Variants in C7orf78 observed in about 807,000 individuals in gnomAD.
The protein encoded by C7orf78 is chromosome 7 open reading frame 78.
chr7:12,484,739 G>A, the C7orf78 span, among the ~76,000 whole-genome samples: 28 of 152,110 alleles, frequency 1.8e-4, no homozygotes, highest in African/African-American at 6.3e-4. Flanking sequence ...TAGAAAGCAC[G>A]TTGTACTTTT....
the C7orf78 span, among the ~76,000 whole-genome samples, chr7:12,501,565 C>T: frequency 2.9e-5 from 4 of 137,452 alleles, no homozygotes; most frequent in Admixed American, 3.0e-4. Context: ...CAAACCACTG[C>T]TCAAGGAAAT....
At chr7:12,498,217 G>A in the C7orf78 span, among the ~76,000 whole-genome samples, 1 of 152,106 alleles carries the variant, frequency 6.6e-6, no homozygotes, top group East Asian at 1.9e-4. Flanking sequence ...ACCAGCAACG[G>A]AACAAAGCTG....
chr7:12,524,823 AT>A, the C7orf78 span, among the ~76,000 whole-genome samples: 1 of 151,178 alleles, frequency 6.6e-6, no homozygotes, highest in Non-Finnish European at 1.5e-5. Flanking sequence ...ATCTCAAAAA[AT>A]AATAATAAAT....
chr7:12,502,757 C>A, the C7orf78 span, among the ~76,000 whole-genome samples: 3 of 147,990 alleles, frequency 2.0e-5, no homozygotes, highest in Non-Finnish European at 4.5e-5. Context: ...GACTATAAAT[C>A]ATGCTGCTAT....
At chr7:12,535,204 G>A in the C7orf78 span, among the ~76,000 whole-genome samples, 112 of 152,254 alleles carry the variant, frequency 7.4e-4, no homozygotes, top group African/African-American at 2.4e-3. Context: ...TCATGCTGCT[G>A]ATTAAGACAT....
chr7:12,534,392 A>C, the C7orf78 span, among the ~76,000 whole-genome samples: 3 of 152,326 alleles, frequency 2.0e-5, no homozygotes, highest in Middle Eastern at 0.01. Context: ...AAAAGAAAAC[A>C]ATAACCTTTC....
chr7:12,496,032 T>C, the C7orf78 span, among the ~76,000 whole-genome samples: 1 of 152,072 alleles, frequency 6.6e-6, no homozygotes. Flanking sequence ...TTCACGCCAT[T>C]CTCTTGCCTC....
At chr7:12,508,352 T>A in the C7orf78 span, among the ~76,000 whole-genome samples, 74 of 152,118 alleles carry the variant, frequency 4.9e-4, no homozygotes, top group Admixed American at 6.6e-4. Flanking sequence ...AAGTTTTTTT[T>A]AAAAAGTTGT....
At chr7:12,536,136 T>C in the C7orf78 span, among the ~76,000 whole-genome samples, 8 of 152,272 alleles carry the variant, frequency 5.3e-5, no homozygotes, top group African/African-American at 1.4e-4. Context: ...CCACAGCACA[T>C]TACCTGTCTG....
the C7orf78 span, among the ~76,000 whole-genome samples, chr7:12,534,595 G>T: frequency 2.6e-5 from 4 of 151,948 alleles, no homozygotes; most frequent in African/African-American, 4.8e-5. Context: ...GCAAGAAAAT[G>T]GTTTATATTA....
chr7:12,541,468 C>T, the C7orf78 span: 2 of 151,846 alleles, frequency 1.3e-5, no homozygotes, highest in African/African-American at 4.8e-5. Context: ...AAGGTAGCAA[C>T]CAGAATTGAA....
At chr7:12,483,633 C>G in the C7orf78 span, 126,485 of 150,582 alleles carry the variant, frequency 0.84, 53,511 homozygotes, top group African/African-American at 0.95. Flanking sequence ...CCTTTGGAAG[C>G]CTGAGGCGGG....
chr7:12,524,264 C>G, the C7orf78 span, among the ~76,000 whole-genome samples: 1 of 152,040 alleles, frequency 6.6e-6, no homozygotes, highest in Non-Finnish European at 1.5e-5. Flanking sequence ...AAGCAACGAA[C>G]GAAACAGTAT....
chr7:12,503,612 T>A, the C7orf78 span, among the ~76,000 whole-genome samples: 1 of 151,948 alleles, frequency 6.6e-6, no homozygotes, highest in Non-Finnish European at 1.5e-5. Flanking sequence ...TTTCTTTCTT[T>A]TTTTTTTTAA....
chr7:12,513,969 C>A, the C7orf78 span, among the ~76,000 whole-genome samples: 1 of 152,140 alleles, frequency 6.6e-6, no homozygotes, highest in South Asian at 2.1e-4. Context: ...CACTGCACTC[C>A]AGCCTGGGCA....
At chr7:12,489,757 A>G in the C7orf78 span, among the ~76,000 whole-genome samples, 1 of 152,148 alleles carries the variant, frequency 6.6e-6, no homozygotes, top group African/African-American at 2.4e-5. Flanking sequence ...AGGACATAAA[A>G]CTAGAATTTT....
At chr7:12,539,728 G>C in the C7orf78 span, among the ~76,000 whole-genome samples, 1 of 152,162 alleles carries the variant, frequency 6.6e-6, no homozygotes. Flanking sequence ...TGCAGTCAAG[G>C]AGATGAGAGC....
chr7:12,498,133 A>G, the C7orf78 span, among the ~76,000 whole-genome samples: 35 of 152,042 alleles, frequency 2.3e-4, no homozygotes, highest in East Asian at 1.9e-4. Context: ...AAAGATGGGG[A>G]AAAAACAGAA....
At chr7:12,508,266 A>T in the C7orf78 span, among the ~76,000 whole-genome samples, 724 of 152,300 alleles carry the variant, frequency 4.8e-3, 13 homozygotes, top group East Asian at 0.046. Flanking sequence ...GTCATTTGAG[A>T]TCTTTTATAG....
Sources: allele counts gnomAD v4.1 joint callset (sites outside exome capture counted in the v4.1 genomes callset), GRCh38; gene constraint gnomAD v4.1.1; transcripts MANE v1.5; gene names NCBI Gene and HGNC (gene_info 2026-07-23, HGNC 2026-07-21).